The following MAGI2 variants were observed in gnomAD, a reference collection of about 807,000 sequenced individuals.
The protein encoded by MAGI2 is membrane-associated guanylate kinase, WW and PDZ domain-containing protein 2.
In MAGI2, 35 loss-of-function variants were observed where a neutral mutation model predicts 133.3. That is an observed-to-expected ratio of 0.26 (90% confidence interval 0.20 to 0.35). The LOEUF is 0.35. MAGI2 is among the 10% of genes least tolerant of loss of function. The pLI, the probability that MAGI2 is intolerant of heterozygous loss-of-function variation, is 1.00. For missense variants in MAGI2, 1,636 were observed against 1,863.4 expected (o/e 0.88, Z 2.25); for synonymous variants, 729 against 710.6 (o/e 1.03, Z -0.41).
chr7:78,263,772 G>C (rs1793740374), intron 9 of MAGI2, among the ~76,000 whole-genome samples: 1 of 152,120 alleles, frequency 6.6e-6, no homozygotes. Context: ...TTTAGTGCCT[G>C]CTGACAGGGA....
At chr7:79,449,897 T>TATATATATATATATATATATATATATAA (rs1491494586) in intron 1 of MAGI2, among the ~76,000 whole-genome samples, 1,439 of 131,138 alleles carry the variant, frequency 0.011, 28 homozygotes, top group East Asian at 0.025. Context: ...TATATATATA[T>TATATATATATATATATATATATATATAA]AATGTCTTAA....
chr7:79,330,120 TGAA>T (rs1483974619), intron 1 of MAGI2, among the ~76,000 whole-genome samples: 1 of 146,398 alleles, frequency 6.8e-6, no homozygotes, highest in Admixed American at 6.8e-5. Context: ...AAACGTGCCA[TGAA>T]GAATGATCAA....
chr7:79,248,348 G>A (rs927599406), intron 1 of MAGI2, among the ~76,000 whole-genome samples: 5 of 152,044 alleles, frequency 3.3e-5, no homozygotes, highest in Admixed American at 2.0e-4. Context: ...CAATTAACAC[G>A]GAACAACCCA....
At chr7:78,395,264 T>C (rs1005341197) in intron 6 of MAGI2, among the ~76,000 whole-genome samples, 5 of 152,086 alleles carry the variant, frequency 3.3e-5, no homozygotes, top group African/African-American at 1.2e-4. Flanking sequence ...GGATAAGATA[T>C]AGTGAGAGAA....
intron 1 of MAGI2, among the ~76,000 whole-genome samples, chr7:79,184,533 A>G (rs1826899631): frequency 6.6e-6 from 1 of 151,698 alleles, no homozygotes; most frequent in South Asian, 2.1e-4. Context: ...TACTATGTTC[A>G]CTCTATAGCA....
intron 1 of MAGI2, among the ~76,000 whole-genome samples, chr7:79,264,747 A>G (rs1834320799): frequency 6.6e-6 from 1 of 152,088 alleles, no homozygotes; most frequent in Non-Finnish European, 1.5e-5. Context: ...AGGTTCAGAC[A>G]TCAGAACCTG....
At chr7:79,220,639 A>G (rs1830375913) in intron 1 of MAGI2, among the ~76,000 whole-genome samples, 1 of 152,028 alleles carries the variant, frequency 6.6e-6, no homozygotes, top group Non-Finnish European at 1.5e-5. Context: ...CCTAGAGCTA[A>G]TGCTCGGGGG....
At chr7:78,746,783 T>G (rs1822966479) in intron 2 of MAGI2, among the ~76,000 whole-genome samples, 1 of 152,208 alleles carries the variant, frequency 6.6e-6, no homozygotes, top group Non-Finnish European at 1.5e-5. Flanking sequence ...TTTTCTAGTT[T>G]TTTTTACAAA....
chr7:78,671,890 A>T (rs1346202573), intron 2 of MAGI2, among the ~76,000 whole-genome samples: 2 of 152,166 alleles, frequency 1.3e-5, no homozygotes, highest in African/African-American at 2.4e-5. Flanking sequence ...CTATATTTCT[A>T]TGTGATGACA....
chr7:79,367,787 C>T (rs1774916750), intron 1 of MAGI2, among the ~76,000 whole-genome samples: 1 of 147,508 alleles, frequency 6.8e-6, no homozygotes, highest in African/African-American at 2.5e-5. Flanking sequence ...AATGTTTTAA[C>T]CCAAGACAAA....
At chr7:78,463,305 C>T (rs1220074736) in intron 6 of MAGI2, among the ~76,000 whole-genome samples, 1 of 152,168 alleles carries the variant, frequency 6.6e-6, no homozygotes, top group Non-Finnish European at 1.5e-5. Flanking sequence ...TACAGGGAAA[C>T]ATACATAGTA....
intron 1 of MAGI2, among the ~76,000 whole-genome samples, chr7:79,146,156 T>C (rs1306021228): frequency 1.3e-5 from 2 of 152,216 alleles, no homozygotes; most frequent in Admixed American, 1.3e-4. Flanking sequence ...AAAGTGCTTA[T>C]TGTGTAAGCT....
At chr7:79,219,757 C>T (rs1157128070) in intron 1 of MAGI2, among the ~76,000 whole-genome samples, 3 of 151,844 alleles carry the variant, frequency 2.0e-5, no homozygotes, top group African/African-American at 7.3e-5. Flanking sequence ...TACATTTTTC[C>T]CTGTGCTCAG....
intron 3 of MAGI2, among the ~76,000 whole-genome samples, chr7:78,539,728 A>G (rs1798252238): frequency 6.6e-6 from 1 of 152,172 alleles, no homozygotes; most frequent in Non-Finnish European, 1.5e-5. Context: ...GTCTGCAAAG[A>G]GTCCTGTGAT....
chr7:79,218,684 T>C (rs1830218376), intron 1 of MAGI2, among the ~76,000 whole-genome samples: 1 of 152,104 alleles, frequency 6.6e-6, no homozygotes, highest in Non-Finnish European at 1.5e-5. Flanking sequence ...CTGTAAAAAG[T>C]TGGATTCAAA....
intron 2 of MAGI2, among the ~76,000 whole-genome samples, chr7:78,858,069 G>C (rs1247628467): frequency 6.6e-6 from 1 of 152,124 alleles, no homozygotes; most frequent in Non-Finnish European, 1.5e-5. Flanking sequence ...TCTGATGGTA[G>C]TTTGTATTTC....
chr7:79,427,091 C>G (rs1847429362), intron 1 of MAGI2, among the ~76,000 whole-genome samples: 1 of 152,128 alleles, frequency 6.6e-6, no homozygotes, highest in Non-Finnish European at 1.5e-5. Context: ...TAGACTTTAA[C>G]TGGCAGTTTT....
At chr7:78,819,157 G>T (rs1789867554) in intron 2 of MAGI2, among the ~76,000 whole-genome samples, 1 of 152,144 alleles carries the variant, frequency 6.6e-6, no homozygotes, top group African/African-American at 2.4e-5. Context: ...AATTGATTTT[G>T]TATTTTATAA....
At chr7:78,074,351 A>G (rs949201421) in intron 21 of MAGI2, among the ~76,000 whole-genome samples, 7 of 152,196 alleles carry the variant, frequency 4.6e-5, no homozygotes. Flanking sequence ...ACTCAGAGTG[A>G]GAAATTTTAT....
Sources: gnomAD v4.1 joint callset for allele counts (sites outside exome capture counted in the v4.1 genomes callset) on GRCh38, gnomAD v4.1.1 for gene constraint, MANE v1.5 for transcripts, NCBI Gene and HGNC (gene_info 2026-07-23, HGNC 2026-07-21) for gene names.